The following NLRP5 variants were observed in gnomAD, a reference collection of about 807,000 sequenced individuals.
NLRP5 encodes the protein NLR family pyrin domain containing 5.
Under a neutral mutation model 113.1 loss-of-function variants are expected in NLRP5, and 93 were observed. The observed-to-expected ratio is 0.82, with a 90% CI of 0.70 to 0.98. The LOEUF (loss-of-function observed/expected upper bound fraction) is 0.98, where lower values mean the gene tolerates loss of function less well. Among genes scored for constraint, NLRP5 ranks in the 50% least tolerant of loss-of-function variants. The pLI, the probability that NLRP5 is intolerant of heterozygous loss-of-function variation, is 0.00. For missense variants in NLRP5, 1,808 were observed against 1,514.3 expected (o/e 1.19, Z -3.22); for synonymous variants, 751 against 600.7 (o/e 1.25, Z -3.66).
At chr19:55,999,917 C>A in intron 1 of NLRP5, 1 of 722,448 alleles carries the variant, frequency 1.4e-6, no homozygotes. Context: ...CAGCAGAACA[C>A]TCCCCGGGGT....
rs376967741 is a variant in NLRP5, at chr19:56,027,259, C to T, written c.1026C>T (p.Asp342=). ...AGTTCATCTCCAGGGAGTGGCCAGACTCCCAGGCTCCGGTGACGGAGATCA... is the reference window on the plus strand; with the variant it reads ...AGTTCATCTCCAGGGAGTGGCCAGATTCCCAGGCTCCGGTGACGGAGATCA... The change falls in exon 7 of 15, where the codon GAC becomes GAT. Residue 342 remains aspartate, a synonymous_variant. Transcript: ENST00000390649. The T allele has an allele frequency of 4.5e-5, 73 of 1,612,298 alleles. No individual in the cohort carries two copies. Among genetic ancestry groups the T allele is most frequent in the Non-Finnish European group, 5.4e-5 (64 of 1,179,838 alleles).
upstream of NLRP5, among the ~76,000 whole-genome samples, chr19:55,995,718 C>T (rs190840630): frequency 5.3e-5 from 8 of 152,192 alleles, no homozygotes; most frequent in South Asian, 2.1e-4. Context: ...AATCAGTGAA[C>T]GTTAGATGTC....
chr19:56,030,784 A>G (rs143217646), intron 7 of NLRP5, among the ~76,000 whole-genome samples: 148 of 125,652 alleles, frequency 1.2e-3, no homozygotes, highest in Middle Eastern at 6.9e-3. Context: ...GTGCGATCTC[A>G]GCTCACTGCA....
intron 2 of NLRP5, among the ~76,000 whole-genome samples, chr19:56,005,789 G>A (rs1442558085): frequency 1.3e-5 from 2 of 152,180 alleles, no homozygotes; most frequent in African/African-American, 4.8e-5. Flanking sequence ...GGAAGAGAGT[G>A]CATAAAAATG....
At chr19:55,988,376 CAG>C in the NLRP5 span, 1 of 146,340 alleles carries the variant, frequency 6.8e-6, no homozygotes, top group Non-Finnish European at 1.5e-5. Flanking sequence ...GCCTGGGCGA[CAG>C]AGCAAGACTC....
intron 7 of NLRP5, among the ~76,000 whole-genome samples, chr19:56,031,419 A>G (rs1332146456): frequency 6.6e-6 from 1 of 152,070 alleles, no homozygotes; most frequent in Non-Finnish European, 1.5e-5. Context: ...ACTTGAGGTC[A>G]GGAGTTTGAG....
At chr19:56,006,545 A>G (rs1981920548) in intron 2 of NLRP5, among the ~76,000 whole-genome samples, 1 of 151,928 alleles carries the variant, frequency 6.6e-6, no homozygotes, top group Non-Finnish European at 1.5e-5. Flanking sequence ...CAGCCTGGCC[A>G]ACATGGTGAA....
At chr19:56,003,412 C>A (rs1352079282) in intron 1 of NLRP5, among the ~76,000 whole-genome samples, 2 of 152,174 alleles carry the variant, frequency 1.3e-5, no homozygotes, top group Admixed American at 6.5e-5. Flanking sequence ...CCTTGGTCTC[C>A]CAAAGTGCTG....
upstream of NLRP5, chr19:55,999,649 G>T: frequency 1.9e-6 from 2 of 1,080,570 alleles, no homozygotes; most frequent in Non-Finnish European, 1.4e-6. Context: ...CCCTTGAAGA[G>T]GCAGGTACTC....
In NLRP5 at chr19:56,036,246, T is replaced by A. The variant is rs190789151; in HGVS notation, c.2616-1779T>A. ...GCCCGGCTAATTTTTTTGTATTTTT[T>A]TAAGTAGAGACAGGGTTTCACCAGG... On this transcript the variant is annotated intron_variant, in intron 9 of 14. Transcript: ENST00000390649. 4.2e-3 allele frequency among the ~76,000 whole-genome samples: 644 copies of A among 151,604 alleles called. 3 individuals are homozygous for A. Among genetic ancestry groups the A allele is most frequent in the African/African-American group, 0.014 (598 of 41,310 alleles).
chr19:55,998,710 G>GTGTGTATATATATA (rs1555762447), upstream of NLRP5, among the ~76,000 whole-genome samples: 2 of 67,856 alleles, frequency 2.9e-5, no homozygotes, highest in African/African-American at 1.7e-4. Flanking sequence ...ATATGTGTGT[G>GTGTGTATATATATA]TGTGTATATA....
chr19:56,034,953 CTTTTT>C (rs1983258543), intron 9 of NLRP5, among the ~76,000 whole-genome samples: 1 of 152,040 alleles, frequency 6.6e-6, no homozygotes, highest in African/African-American at 2.4e-5. Flanking sequence ...GTTTTCTTTT[CTTTTT>C]GACTGAGTCT....
the NLRP5 span, chr19:55,988,728 C>A: frequency 1.3e-5 from 2 of 151,836 alleles, no homozygotes; most frequent in South Asian, 4.2e-4. Context: ...TTGTGTAGAG[C>A]GGTAAGGGAA....
chr19:56,005,455 ATATACACACACACATATT>A (rs528414037), intron 2 of NLRP5, among the ~76,000 whole-genome samples: 35 of 140,520 alleles, frequency 2.5e-4, no homozygotes, highest in Non-Finnish European at 4.6e-4. Flanking sequence ...ATATATTTTT[ATATACACACACACATATT>A]TATACACACA....
the NLRP5 span, among the ~76,000 whole-genome samples, chr19:55,990,079 C>CTTTTCTTTTCTTTTTTTTTTTTT: frequency 1.0e-5 from 1 of 95,958 alleles, no homozygotes; most frequent in Non-Finnish European, 2.0e-5. Flanking sequence ...TTTCTTTTTT[C>CTTTTCTTTTCTTTTTTTTTTTTT]TTTTTTTTTT....
rs114022312 is a variant in NLRP5, at chr19:56,025,705, C to T, written c.680-1208C>T. 2.1e-3 allele frequency among the ~76,000 whole-genome samples: 323 copies of T among 152,112 alleles called. 1 individual carries two copies. The highest frequency in any genetic ancestry group is 7.3e-3 in the African/African-American group (304 of 41,508). On this transcript the variant is annotated intron_variant, in intron 6 of 14. Coordinates refer to ENST00000390649, the MANE Select transcript of NLRP5 (RefSeq NM_153447.4). ...GATTACAGGGGTGAGCCAGCACATC[C>T]GGCCATTCCCCTCTTTATGTACAGC...
At chr19:56,006,664 A>C (rs1204779454) in intron 2 of NLRP5, among the ~76,000 whole-genome samples, 1 of 151,982 alleles carries the variant, frequency 6.6e-6, no homozygotes, top group African/African-American at 2.4e-5. Context: ...CCCGGGAGGT[A>C]GAGGTTGCAG....
intron 11 of NLRP5, among the ~76,000 whole-genome samples, chr19:56,044,340 C>T (rs569017942): frequency 2.0e-5 from 3 of 152,284 alleles, no homozygotes; most frequent in African/African-American, 4.8e-5. Context: ...AGGCGTGAGC[C>T]GCCACACCCG....
chr19:56,011,769 C>G (rs1368664412), intron 3 of NLRP5, among the ~76,000 whole-genome samples: 1 of 151,580 alleles, frequency 6.6e-6, no homozygotes, highest in African/African-American at 2.4e-5. Flanking sequence ...TCTTGGCTCA[C>G]TGCAACCTCT....
Sources: gnomAD v4.1 joint callset for allele counts (sites outside exome capture counted in the v4.1 genomes callset) on GRCh38, gnomAD v4.1.1 for gene constraint, MANE v1.5 for transcripts, NCBI Gene and HGNC (gene_info 2026-07-23, HGNC 2026-07-21) for gene names.